HECW2: variants seen among roughly 807,000 people sequenced by gnomAD.
The protein encoded by HECW2 is E3 ubiquitin-protein ligase HECW2.
A neutral mutation model predicts 175.2 loss-of-function variants in HECW2; 61 were observed. That is an observed-to-expected ratio of 0.35 (90% CI 0.28 to 0.43). The LOEUF is 0.43. HECW2 is among the 20% of genes least tolerant of loss of function. HECW2 has a pLI of 1.00. For synonymous variants in HECW2, 671 were observed against 731.0 expected (o/e 0.92, Z 1.32); for missense variants, 1,524 against 2,000.5 (o/e 0.76, Z 4.54).
chr2:196,219,926 C>T, intron 26 of HECW2, 113 bp downstream of exon 26: 1 of 687,314 alleles, frequency 1.5e-6, no homozygotes, highest in Non-Finnish European at 2.6e-6. Context: ...CTGCATCAGA[C>T]CTATGATTAG....
Position 196,197,176 on chromosome 2 carries a change from A to G in HECW2, c.*4101T>C, listed in dbSNP as rs1686720715. 6.6e-6 allele frequency: 1 copy of G among 152,096 alleles called. No individual in the cohort carries two copies. The highest frequency in any genetic ancestry group is 2.1e-4 in the South Asian group (1 of 4,820). The allele number at this position is 152,096 out of a possible 1,614,324, so 9.4% of individuals were successfully genotyped here. ...ATGCATGTTTTTATTATGCAGGGTT[A>G]CAGATACCTCTTAATAATGGCATTG... On this transcript the variant is annotated 3_prime_UTR_variant, in exon 29 of 29. Coordinates refer to ENST00000644978, the MANE Select transcript of HECW2 (RefSeq NM_001348768.2).
At chr2:196,314,212 T>A (rs984460586) in intron 10 of HECW2, among the ~76,000 whole-genome samples, 1 of 152,214 alleles carries the variant, frequency 6.6e-6, no homozygotes, top group Non-Finnish European at 1.5e-5. Flanking sequence ...AGGGGCCTCC[T>A]TGGGGAGGGC....
At chr2:196,534,641 G>A (rs1688956840) in intron 1 of HECW2, among the ~76,000 whole-genome samples, 1 of 152,198 alleles carries the variant, frequency 6.6e-6, no homozygotes, top group Non-Finnish European at 1.5e-5. Context: ...CTGTGACGCA[G>A]GAGGGAGAGC....
chr2:196,254,114 C>T, intron 18 of HECW2, 85 bp from the exon 19 acceptor site: 1 of 1,541,890 alleles, frequency 6.5e-7, no homozygotes, highest in Non-Finnish European at 8.8e-7. Context: ...AATATTCCAT[C>T]CAAGATCCGG....
intron 19 of HECW2, 107 bp downstream of exon 19, chr2:196,253,813 G>T (rs1688947984): frequency 3.0e-6 from 3 of 998,540 alleles, no homozygotes; most frequent in Non-Finnish European, 4.6e-6. Context: ...TAACACCAAA[G>T]ATGTACCTGA....
In HECW2 at chr2:196,450,476, G is replaced by A. The variant is rs557212401; in HGVS notation, c.-35-17018C>T. ...GATCATAAGCCACCTGTTAGATGCTGCCCAAATATCAGATTTTTTTTTTTT... is the reference window on the plus strand; with the variant it reads ...GATCATAAGCCACCTGTTAGATGCTACCCAAATATCAGATTTTTTTTTTTT... On this transcript the variant is annotated intron_variant, in intron 1 of 28. Transcript: ENST00000644978. 1.1e-3 allele frequency among the ~76,000 whole-genome samples: 171 copies of A among 150,238 alleles called. 1 individual carries two copies. Among genetic ancestry groups the A allele is most frequent in the Non-Finnish European group, 1.8e-3 (125 of 67,772 alleles).
At chr2:196,521,354 T>C (rs572645161) in intron 1 of HECW2, among the ~76,000 whole-genome samples, 3 of 149,508 alleles carry the variant, frequency 2.0e-5, no homozygotes, top group Admixed American at 1.3e-4. Flanking sequence ...CCTAATTTTA[T>C]ACAGAAAATT....
At chr2:196,356,222 C>A (rs1218134505) in intron 2 of HECW2, among the ~76,000 whole-genome samples, 1 of 152,152 alleles carries the variant, frequency 6.6e-6, no homozygotes, top group African/African-American at 2.4e-5. Context: ...CCTCTAACAA[C>A]CCTTTAGGGT....
chr2:196,235,921 T>C (rs1225224815), intron 21 of HECW2, among the ~76,000 whole-genome samples: 2 of 152,148 alleles, frequency 1.3e-5, no homozygotes, highest in African/African-American at 2.4e-5. Flanking sequence ...CCTCCCAAGG[T>C]GCTGGCATTA....
intron 2 of HECW2, among the ~76,000 whole-genome samples, chr2:196,389,880 A>G (rs1335373789): frequency 6.6e-6 from 1 of 152,080 alleles, no homozygotes; most frequent in Non-Finnish European, 1.5e-5. Context: ...TCATCCTTGG[A>G]TGAGTGTATC....
Position 196,376,190 on chromosome 2 carries a change from G to A in HECW2, c.293-32426C>T, listed in dbSNP as rs544636468. Among the ~76,000 whole-genome samples the A allele has an allele frequency of 8.5e-5, 13 of 152,170 alleles. No individual in the cohort carries two copies. The South Asian group carries it at 2.7e-3, about 32-fold the overall frequency. On this transcript the variant is annotated intron_variant, in intron 2 of 28. Transcript: ENST00000644978. ...AGTGTGAAGTACTTCATAACTTATT[G>A]GTCTCCAAATTTGTATATTTAAGAG... is the stretch of plus-strand genomic sequence containing the variant.
At chr2:196,526,852 C>T (rs1428683884) in intron 1 of HECW2, among the ~76,000 whole-genome samples, 5 of 152,004 alleles carry the variant, frequency 3.3e-5, no homozygotes, top group Non-Finnish European at 4.4e-5. Context: ...TCTCCAGCTG[C>T]GTGCTGGGAG....
At chr2:196,397,073 C>G (rs1694689233) in intron 2 of HECW2, among the ~76,000 whole-genome samples, 1 of 152,130 alleles carries the variant, frequency 6.6e-6, no homozygotes, top group Non-Finnish European at 1.5e-5. Context: ...GATGGCGCCA[C>G]TGCACTCCAG....
intron 2 of HECW2, among the ~76,000 whole-genome samples, chr2:196,395,716 A>G (rs200508520): frequency 1.8e-5 from 1 of 55,530 alleles, no homozygotes; most frequent in African/African-American, 1.1e-4. Flanking sequence ...TTTTTTTTTT[A>G]AAAAAAGAAA....
intron 1 of HECW2, among the ~76,000 whole-genome samples, chr2:196,522,271 T>C (rs1244898661): frequency 1.3e-5 from 2 of 152,242 alleles, no homozygotes; most frequent in Non-Finnish European, 2.9e-5. Flanking sequence ...TTTGGCTGCA[T>C]AAATGTCTTC....
At chr2:196,461,760 G>A (rs1366956477) in intron 1 of HECW2, among the ~76,000 whole-genome samples, 7 of 152,044 alleles carry the variant, frequency 4.6e-5, no homozygotes, top group South Asian at 4.2e-4. Flanking sequence ...ATCAGATCTC[G>A]TGAGAACCCA....
intron 1 of HECW2, among the ~76,000 whole-genome samples, chr2:196,468,186 G>A (rs746652230): frequency 6.6e-5 from 10 of 152,156 alleles, no homozygotes; most frequent in South Asian, 4.1e-4. Context: ...GTAGAGATAG[G>A]GTTTTGCCAT....
chr2:196,507,462 C>G (rs2125411263), intron 1 of HECW2, among the ~76,000 whole-genome samples: 1 of 152,308 alleles, frequency 6.6e-6, no homozygotes, highest in South Asian at 2.1e-4. Flanking sequence ...ATGGTCATGA[C>G]TGGGGTCGCT....
At chr2:196,390,626 TAGCCTCCTA>T (rs1277740454) in intron 2 of HECW2, among the ~76,000 whole-genome samples, 1 of 152,218 alleles carries the variant, frequency 6.6e-6, no homozygotes, top group African/African-American at 2.4e-5. Context: ...ACTGCATGTT[TAGCCTCCTA>T]AGGGAAAAAA....
Sources: allele counts gnomAD v4.1 joint callset (sites outside exome capture counted in the v4.1 genomes callset), GRCh38; gene constraint gnomAD v4.1.1; transcripts MANE v1.5; gene names NCBI Gene and HGNC (gene_info 2026-07-23, HGNC 2026-07-21).